SLC35F4: variants seen among roughly 807,000 people sequenced by gnomAD.
SLC35F4 encodes solute carrier family 35 member F4, also known as chromosome 14 open reading frame 36.
Under a neutral mutation model 44.2 loss-of-function variants are expected in SLC35F4, and 24 were observed. The observed-to-expected ratio is 0.54, with a 90% CI of 0.39 to 0.76. The LOEUF (loss-of-function observed/expected upper bound fraction) is 0.76, where lower values mean the gene tolerates loss of function less well. SLC35F4 is among the 30% of genes least tolerant of loss of function. SLC35F4 has a pLI of 0.00. For missense variants in SLC35F4, 562 were observed against 586.1 expected (o/e 0.96, Z 0.42); for synonymous variants, 238 against 223.6 (o/e 1.06, Z -0.57).
intron 4 of SLC35F4, among the ~76,000 whole-genome samples, chr14:57,572,425 T>TA (rs1233465799): frequency 1.3e-5 from 2 of 152,182 alleles, no homozygotes; most frequent in African/African-American, 4.8e-5. Flanking sequence ...GCATACATTT[T>TA]AATCAGCTCC....
chr14:57,980,967 A>T (rs1028461), intron 1 of SLC35F4, among the ~76,000 whole-genome samples: 76,061 of 151,754 alleles, frequency 0.5, 20,056 homozygotes, highest in African/African-American at 0.7. Context: ...TCAACAACCA[A>T]ACCAATAGGG....
intron 1 of SLC35F4, among the ~76,000 whole-genome samples, chr14:57,896,264 T>C (rs909819839): frequency 3.3e-5 from 5 of 151,302 alleles, no homozygotes; most frequent in African/African-American, 1.2e-4. Context: ...AATGGAAAAC[T>C]ACACAATAGT....
chr14:57,971,539 G>T lies in SLC35F4; in HGVS notation n.282+10374C>A, dbSNP rs570188650. On this transcript the variant is annotated intron_variant and non_coding_transcript_variant, in intron 1 of 1. Coordinates refer to the SLC35F4 transcript ENST00000556568. ...TATGCATGAGAACTTAATCCAAGCT[G>T]ATTTCAGCTGTTTATCAGCTGTTTC... Among the ~76,000 whole-genome samples the T allele has an allele frequency of 4.6e-5, 7 of 152,192 alleles. 1 individual carries two copies. Among genetic ancestry groups the T allele is most frequent in the Middle Eastern group, 6.4e-3 (2 of 314 alleles).
At chr14:57,664,938 C>G (rs1782699710) in intron 1 of SLC35F4, among the ~76,000 whole-genome samples, 1 of 152,100 alleles carries the variant, frequency 6.6e-6, no homozygotes, top group African/African-American at 2.4e-5. Flanking sequence ...TAAAAAGTGA[C>G]TTTGGCTTCT....
intron 4 of SLC35F4, among the ~76,000 whole-genome samples, chr14:57,576,863 A>C (rs1316215927): frequency 6.6e-6 from 1 of 152,188 alleles, no homozygotes; most frequent in East Asian, 1.9e-4. Context: ...TGAAGGATAT[A>C]TGTGGAGGGT....
intron 1 of SLC35F4, among the ~76,000 whole-genome samples, chr14:57,828,934 C>T (rs1884071669): frequency 6.6e-6 from 1 of 152,224 alleles, no homozygotes; most frequent in Admixed American, 6.5e-5. Flanking sequence ...AGCCATGTTA[C>T]ACAACTCATT....
intron 1 of SLC35F4, among the ~76,000 whole-genome samples, chr14:57,918,691 G>A (rs928777606): frequency 8.5e-5 from 13 of 152,278 alleles, no homozygotes; most frequent in Non-Finnish European, 1.8e-4. Context: ...GAAGTGAATT[G>A]GGACCTTGAC....
intron 3 of SLC35F4, 69 bp from the exon 4 acceptor site, chr14:57,581,502 G>A (rs1400962539): frequency 8.9e-5 from 123 of 1,387,720 alleles, no homozygotes; most frequent in African/African-American, 1.0e-4. Flanking sequence ...CTGACTCATC[G>A]CAGCCATTTT....
chr14:57,874,273 T>G (rs1305312992), intron 1 of SLC35F4, among the ~76,000 whole-genome samples: 1 of 152,216 alleles, frequency 6.6e-6, no homozygotes, highest in African/African-American at 2.4e-5. Flanking sequence ...TTCCCTGCTG[T>G]GTAATCTTCT....
chr14:57,616,608 G>A (rs548156037), intron 1 of SLC35F4, among the ~76,000 whole-genome samples: 4 of 152,274 alleles, frequency 2.6e-5, no homozygotes, highest in South Asian at 2.1e-4. Flanking sequence ...TCTTCCCAGC[G>A]CATTTGAGAT....
intron 1 of SLC35F4, among the ~76,000 whole-genome samples, chr14:57,960,974 G>A (rs1301853625): frequency 2.0e-5 from 3 of 152,188 alleles, no homozygotes; most frequent in Non-Finnish European, 4.4e-5. Context: ...CACATGTGAA[G>A]AGTGAGGTTT....
At chr14:57,851,377 A>G (rs1347043657) in intron 1 of SLC35F4, among the ~76,000 whole-genome samples, 1 of 152,204 alleles carries the variant, frequency 6.6e-6, no homozygotes, top group Non-Finnish European at 1.5e-5. Flanking sequence ...TGTTTGGTGT[A>G]TATGTGCATT....
At chr14:57,783,892 C>T (rs971726737) in intron 1 of SLC35F4, among the ~76,000 whole-genome samples, 2 of 152,082 alleles carry the variant, frequency 1.3e-5, no homozygotes, top group African/African-American at 4.8e-5. Flanking sequence ...TGGAAGAGAA[C>T]CCTGACAGAG....
intron 1 of SLC35F4, among the ~76,000 whole-genome samples, chr14:57,747,306 G>T (rs575811217): frequency 1.6e-4 from 24 of 152,298 alleles, no homozygotes; most frequent in Non-Finnish European, 2.9e-4. Flanking sequence ...AAGAGACTCA[G>T]TGACAAATTG....
At chr14:57,882,121 C>T (rs992643253) in intron 1 of SLC35F4, among the ~76,000 whole-genome samples, 1 of 152,136 alleles carries the variant, frequency 6.6e-6, no homozygotes. Flanking sequence ...TCTCATCAGC[C>T]CACTGATGAC....
chr14:57,821,454 T>A (rs1337750098), intron 1 of SLC35F4, among the ~76,000 whole-genome samples: 1 of 152,198 alleles, frequency 6.6e-6, no homozygotes, highest in Non-Finnish European at 1.5e-5. Context: ...AGCTTTTCAA[T>A]GGTAAGAAAA....
At chr14:57,722,960 T>G (rs2076120307) in intron 1 of SLC35F4, among the ~76,000 whole-genome samples, 1 of 152,162 alleles carries the variant, frequency 6.6e-6, no homozygotes, top group Non-Finnish European at 1.5e-5. Flanking sequence ...CAATTTATAC[T>G]GTTCATCTTT....
At chr14:57,982,689 A>C (rs753111831), upstream of SLC35F4, among the ~76,000 whole-genome samples, 19 of 151,918 alleles carry the variant, frequency 1.3e-4, no homozygotes, top group Non-Finnish European at 2.2e-4. Flanking sequence ...CACAGCCTGC[A>C]CTCTTCTAAA....
At chr14:57,923,502 C>A (rs1427763612) in intron 1 of SLC35F4, among the ~76,000 whole-genome samples, 1 of 152,198 alleles carries the variant, frequency 6.6e-6, no homozygotes, top group Non-Finnish European at 1.5e-5. Flanking sequence ...AGAATTCTAT[C>A]CAACCAACAA....
Sources: allele counts gnomAD v4.1 joint callset (sites outside exome capture counted in the v4.1 genomes callset), GRCh38; gene constraint gnomAD v4.1.1; transcripts MANE v1.5; gene names NCBI Gene and HGNC (gene_info 2026-07-23, HGNC 2026-07-21).